RAD17: variants seen among roughly 807,000 people sequenced by gnomAD.
RAD17 encodes cell cycle checkpoint protein RAD17.
In RAD17, 31 loss-of-function variants were observed where a neutral mutation model predicts 81.5. That is an observed-to-expected ratio of 0.38 (90% confidence interval 0.29 to 0.51). RAD17 has a LOEUF of 0.51. Among genes scored for constraint, RAD17 ranks in the 20% least tolerant of loss-of-function variants. The pLI is 0.88. For synonymous variants in RAD17, 261 were observed against 266.2 expected, an observed-to-expected ratio of 0.98 and a Z score of 0.19; for missense variants, 681 against 781.2, an observed-to-expected ratio of 0.87 and a Z score of 1.53.
intron 17 of RAD17, among the ~76,000 whole-genome samples, chr5:69,405,195 T>C (rs984562026): frequency 1.3e-5 from 2 of 152,042 alleles, no homozygotes; most frequent in Admixed American, 6.6e-5. Context: ...AGGAACAGTA[T>C]GGAGGTTCCT....
chr5:69,401,140 G>A (rs527585124), intron 17 of RAD17, among the ~76,000 whole-genome samples: 101 of 152,286 alleles, frequency 6.6e-4, no homozygotes, highest in African/African-American at 2.2e-3. Flanking sequence ...CCCCGGAGGC[G>A]GAGGTTGCAG....
chr5:69,369,458 C>G (rs577414408), upstream of RAD17: 9 of 1,610,596 alleles, frequency 5.6e-6, no homozygotes, highest in South Asian at 9.9e-5. Context: ...GCCGCGCGCC[C>G]TGACCGGTGA....
chr5:69,414,490 A>G lies in RAD17; in HGVS notation c.*198A>G, dbSNP rs1296563760. 2 of 678,944 alleles carry G rather than the reference A, an allele frequency of 2.9e-6. No homozygotes were observed. Among genetic ancestry groups the G allele is most frequent in the East Asian group, 2.8e-5 (1 of 36,164 alleles). 42.1% of individuals were successfully genotyped at this position (678,944 alleles called of 1,614,324 possible). Reference sequence around the variant, plus strand: ...AGAAGATCAAGCCTTCAAATCTCTTAATTTTTTCGGTATTTATTAAATCTG... The same window carrying G: ...AGAAGATCAAGCCTTCAAATCTCTTGATTTTTTCGGTATTTATTAAATCTG... On this transcript the variant is annotated 3_prime_UTR_variant, in exon 19 of 19. Coordinates refer to ENST00000354868, the MANE Select transcript of RAD17 (RefSeq NM_133338.3).
intron 16 of RAD17, among the ~76,000 whole-genome samples, chr5:69,396,843 A>G (rs1764924252): frequency 6.6e-6 from 1 of 151,880 alleles, no homozygotes; most frequent in African/African-American, 2.4e-5. Flanking sequence ...TTATTTTTTT[A>G]TTTTTTGAGA....
At position 69,377,456 on chromosome 5, in the gene RAD17, T is replaced by TACACACACAC. The variant is rs1561238731; in HGVS notation, c.351+2746_351+2747insCACACACACA. Among the ~76,000 whole-genome samples the TACACACACAC allele has an allele frequency of 4.7e-4, 4 of 8,510 alleles. No homozygotes were observed. The East Asian group carries it at 0.024, about 51-fold the overall frequency. 5.6% of individuals were successfully genotyped at this position (8,510 alleles called of 152,430 possible). On this transcript the variant is annotated intron_variant, in intron 6 of 18. Transcript: ENST00000354868. ...GTGTGTGTGTATATATATATATATATATATATATATATATATATACACACA... is the reference window on the plus strand; with the variant it reads ...GTGTGTGTGTATATATATATATATATACACACACACATATATATATATATATATACACACA...
chr5:69,377,450 T>TATATACAC (rs1763426519), intron 6 of RAD17, among the ~76,000 whole-genome samples: 1 of 11,168 alleles, frequency 9.0e-5, no homozygotes, highest in African/African-American at 1.3e-4. Context: ...TATATATATA[T>TATATACAC]ATATATATAT....
rs1561240267 is a variant in RAD17 at position 69,377,638 on chromosome 5, C to CATATATATGCATATATATATGTATACAT, written c.351+2935_351+2936insGCATATATATATGTATACATATATATAT. ...ACATATATATGCATATATATGTATA[C>CATATATATGCATATATATATGTATACAT]ATATATATATGCATATATATATGTA... is the stretch of plus-strand genomic sequence containing the variant. On this transcript the variant is annotated intron_variant, in intron 6 of 18. Coordinates refer to ENST00000354868, the MANE Select transcript of RAD17 (RefSeq NM_133338.3). 8.8e-3 allele frequency among the ~76,000 whole-genome samples: 52 copies of CATATATATGCATATATATATGTATACAT among 5,912 alleles called. 11 individuals are homozygous for CATATATATGCATATATATATGTATACAT. The highest frequency in any genetic ancestry group is 0.018 in the Non-Finnish European group (40 of 2,176). 3.9% of individuals were successfully genotyped at this position (5,912 alleles called of 152,430 possible).
At chr5:69,375,603 T>C (rs571305359) in intron 6 of RAD17, among the ~76,000 whole-genome samples, 1 of 140,094 alleles carries the variant, frequency 7.1e-6, no homozygotes, top group Non-Finnish European at 1.5e-5. Flanking sequence ...ACATTTCAGT[T>C]AGACTTTTAG....
chr5:69,369,553 C>T (rs1762775032), upstream of RAD17: 6 of 1,608,976 alleles, frequency 3.7e-6, no homozygotes, highest in South Asian at 5.5e-5. Context: ...AGGGAGGAGC[C>T]GGAAGGGGCG....
intron 8 of RAD17, 55 bp from the exon 9 acceptor site, chr5:69,385,988 A>C (rs1764189095): frequency 1.4e-6 from 2 of 1,405,758 alleles, no homozygotes; most frequent in Non-Finnish European, 1.9e-6. Flanking sequence ...AAATTTGAAA[A>C]ATAAATTTGC....
chr5:69,412,065 T>C (rs1766042832), intron 18 of RAD17, among the ~76,000 whole-genome samples: 1 of 152,140 alleles, frequency 6.6e-6, no homozygotes, highest in African/African-American at 2.4e-5. Flanking sequence ...CACACCATTC[T>C]CCTGCCTCAG....
At chr5:69,377,439 G>A (rs200494372) in intron 6 of RAD17, among the ~76,000 whole-genome samples, 2,621 of 54,958 alleles carry the variant, frequency 0.048, 167 homozygotes, top group African/African-American at 0.15. Context: ...GTGTGTGTGT[G>A]TATATATATA....
chr5:69,377,467 A>G lies in RAD17; in HGVS notation c.351+2756A>G, dbSNP rs1334372504. The stretch of plus-strand genomic sequence containing the variant: ...TATATATATATATATATATATATAT[A>G]TATATATACACACACACACATATAT... On this transcript the variant is annotated intron_variant, in intron 6 of 18. Transcript: ENST00000354868. Among the ~76,000 whole-genome samples, 26 of 5,744 alleles carry G rather than the reference A, an allele frequency of 4.5e-3. 1 individual carries two copies. In the Admixed American group the frequency reaches 0.082, roughly 18 times the overall value. 3.8% of individuals were successfully genotyped at this position (5,744 alleles called of 152,430 possible).
intron 16 of RAD17, among the ~76,000 whole-genome samples, chr5:69,398,922 G>A (rs1011897608): frequency 7.2e-6 from 1 of 138,690 alleles, no homozygotes; most frequent in Non-Finnish European, 1.5e-5. Flanking sequence ...CCTGTAATCC[G>A]AGCACTTTGG....
At chr5:69,397,396 C>T (rs1764959882) in intron 16 of RAD17, among the ~76,000 whole-genome samples, 1 of 152,188 alleles carries the variant, frequency 6.6e-6, no homozygotes, top group Non-Finnish European at 1.5e-5. Flanking sequence ...CCCGCCTTGG[C>T]CTCTCAAAGT....
intron 12 of RAD17, among the ~76,000 whole-genome samples, chr5:69,390,048 G>C (rs556494647): frequency 7.2e-5 from 11 of 152,202 alleles, no homozygotes; most frequent in South Asian, 2.1e-4. Context: ...TTAATATGTA[G>C]AAAGATGTAG....
At chr5:69,405,065 TC>T (rs1765505232) in intron 17 of RAD17, among the ~76,000 whole-genome samples, 1 of 152,074 alleles carries the variant, frequency 6.6e-6, no homozygotes, top group Non-Finnish European at 1.5e-5. Context: ...CAATGAGATA[TC>T]ATATTACACC....
At chr5:69,406,440 AT>A (rs1765607345) in intron 17 of RAD17, among the ~76,000 whole-genome samples, 1 of 152,138 alleles carries the variant, frequency 6.6e-6, no homozygotes, top group Non-Finnish European at 1.5e-5. Context: ...GGAGGAATAA[AT>A]TCAAGAATTC....
chr5:69,370,491 C>G (rs1047220373), intron 1 of RAD17, among the ~76,000 whole-genome samples: 8 of 152,148 alleles, frequency 5.3e-5, no homozygotes, highest in African/African-American at 1.7e-4. Flanking sequence ...AGGCGCCCAC[C>G]ACCACGCCCG....
Sources: gnomAD v4.1 joint callset for allele counts (sites outside exome capture counted in the v4.1 genomes callset) on GRCh38, gnomAD v4.1.1 for gene constraint, MANE v1.5 for transcripts, NCBI Gene and HGNC (gene_info 2026-07-23, HGNC 2026-07-21) for gene names.